The following KIF25 variants were observed in gnomAD, a reference collection of about 807,000 sequenced individuals.
KIF25 encodes the protein kinesin-like protein KIF25.
Under a neutral mutation model 32.9 loss-of-function variants are expected in KIF25, and 19 were observed. The ratio of observed to expected loss-of-function variants is 0.58; its 90% CI spans 0.40 to 0.85. KIF25 has a LOEUF of 0.85. Among genes scored for constraint, KIF25 ranks in the 40% least tolerant of loss-of-function variants. KIF25 has a pLI of 0.00. For missense variants in KIF25, 485 were observed against 507.0 expected (o/e 0.96, Z 0.42); for synonymous variants, 225 against 213.7 (o/e 1.05, Z -0.46).
chr6:168,015,324 T>C (rs1363661357), intron 4 of KIF25, among the ~76,000 whole-genome samples: 1 of 152,230 alleles, frequency 6.6e-6, no homozygotes, highest in East Asian at 1.9e-4. Context: ...GTGAATTCAA[T>C]GTACTTTTAG....
chr6:168,035,826 G>T (rs992328407), intron 8 of KIF25: 5 of 455,566 alleles, frequency 1.1e-5, no homozygotes, highest in Non-Finnish European at 2.2e-5. Context: ...GGGCAAGGCC[G>T]TACTCTCCCT....
At chr6:168,017,064 G>A (rs1032123321) in intron 4 of KIF25, among the ~76,000 whole-genome samples, 5 of 152,226 alleles carry the variant, frequency 3.3e-5, no homozygotes, top group African/African-American at 9.6e-5. Context: ...GCAATAGTCC[G>A]GCAGCTGCCC....
intron 12 of KIF25, among the ~76,000 whole-genome samples, 194 bp from the exon 13 acceptor site, chr6:168,044,633 G>A (rs985658942): frequency 1.3e-5 from 2 of 152,042 alleles, no homozygotes; most frequent in African/African-American, 4.8e-5. Flanking sequence ...GGACCCGGGT[G>A]AGGGGCGCTA....
intron 4 of KIF25, among the ~76,000 whole-genome samples, chr6:168,010,652 A>C (rs962460880): frequency 2.6e-5 from 4 of 152,144 alleles, no homozygotes; most frequent in African/African-American, 9.6e-5. Flanking sequence ...TTTATGGTGC[A>C]GTTTAAATCC....
Position 168,041,974 on chromosome 6 carries a change from C to G in KIF25, c.652C>G (p.Gln218Glu), listed in dbSNP as rs1799125975. The G allele has an allele frequency of 1.3e-6, 2 of 1,551,396 alleles. No individual in the cohort carries two copies. Among genetic ancestry groups the G allele is most frequent in the Non-Finnish European group, 1.7e-6 (2 of 1,147,102 alleles). Reference protein sequence around the residue: ...TASCSDSTADQACSATLPREQ... With the variant: ...TASCSDSTADEACSATLPREQ... The stretch of plus-strand genomic sequence containing the variant: ...CGCTCCTTGGTCCCTTGCAGCAGAC[C>G]AAGCCTGCAGTGCCACCCTCCCCAG... The change falls in exon 11 of 13, where the codon CAA becomes GAA. Residue 218 changes from glutamine (Q) to glutamate (E), a missense_variant. Gln to Glu is a conservative substitution (Grantham distance 29). Transcript: ENST00000643607.
At chr6:168,033,057 C>T (rs955710752) in intron 7 of KIF25, among the ~76,000 whole-genome samples, 1 of 152,182 alleles carries the variant, frequency 6.6e-6, no homozygotes, top group Non-Finnish European at 1.5e-5. Flanking sequence ...TAGTTAACTT[C>T]TCTGAAATAA....
intron 5 of KIF25, among the ~76,000 whole-genome samples, chr6:168,019,189 G>A (rs1040649073): frequency 2.6e-5 from 4 of 152,118 alleles, no homozygotes; most frequent in African/African-American, 9.7e-5. Context: ...GGGATTGGAG[G>A]GTCAAAACAT....
chr6:168,004,732 C>T (rs1017635435), intron 4 of KIF25, among the ~76,000 whole-genome samples: 1 of 151,832 alleles, frequency 6.6e-6, no homozygotes, highest in Non-Finnish European at 1.5e-5. Flanking sequence ...GTGGACGCTG[C>T]TCAGGGGTTG....
chr6:168,018,942 C>A (rs1218381472), intron 5 of KIF25, among the ~76,000 whole-genome samples: 4 of 152,254 alleles, frequency 2.6e-5, no homozygotes, highest in African/African-American at 9.6e-5. Flanking sequence ...CAGGAAAGAA[C>A]CACCGGGGAG....
At position 168,042,635 on chromosome 6, in the gene KIF25, G is replaced by T. The variant is rs146787013; in HGVS notation, c.904G>T (p.Val302Phe). Residue 302 changes from valine (V) to phenylalanine (F), a missense_variant, in exon 12 of 13, where the codon GTC (valine) becomes TTC (phenylalanine). Transcript: ENST00000643607. ...CCGCAGCCTTGCGGCCCTGGCAGGCGTCCTGGGGGCTTTGTTGGAGCACCG... is the reference window on the plus strand; with the variant it reads ...CCGCAGCCTTGCGGCCCTGGCAGGCTTCCTGGGGGCTTTGTTGGAGCACCG... ...ISRSLAALAG[V>F]LGALLEHRGH... 7 of 1,613,848 alleles carry T rather than the reference G, an allele frequency of 4.3e-6. No homozygotes were observed. The highest frequency in any genetic ancestry group is 3.3e-5 in the Admixed American group (2 of 60,020).
At chr6:168,032,645 G>A (rs1011143410) in intron 7 of KIF25, among the ~76,000 whole-genome samples, 1 of 152,124 alleles carries the variant, frequency 6.6e-6, no homozygotes, top group East Asian at 1.9e-4. Flanking sequence ...CTTTTCTAGG[G>A]GAGACTTAGA....
At position 167,998,281 on chromosome 6, in the gene KIF25, C is replaced by G. The variant is rs189235363; in HGVS notation, c.-1188C>G. ...CTGAGTGTTCCACCTCAAGCCTGGT[C>G]TCCTGGTCTAGCTGAGGAGCGTGCA... On this transcript the variant is annotated 5_prime_UTR_variant, in exon 1 of 13. Transcript: ENST00000643607. 6.6e-6 allele frequency: 1 copy of G among 152,248 alleles called. No individual in the cohort carries two copies. The highest frequency in any genetic ancestry group is 1.9e-4 in the East Asian group (1 of 5,178). 9.4% of individuals were successfully genotyped at this position (152,248 alleles called of 1,614,324 possible). A position where few individuals can be genotyped will look rare whatever the true frequency, so the allele number is the denominator to read the frequency against.
chr6:168,029,133 G>GT (rs1798904689), intron 5 of KIF25, among the ~76,000 whole-genome samples: 1 of 152,180 alleles, frequency 6.6e-6, no homozygotes, highest in Non-Finnish European at 1.5e-5. Flanking sequence ...AGTATTGCAG[G>GT]TAAAGAGTAT....
At chr6:168,021,854 C>T (rs75670023) in intron 5 of KIF25, among the ~76,000 whole-genome samples, 2,027 of 152,302 alleles carry the variant, frequency 0.013, 51 homozygotes, top group African/African-American at 0.046. Context: ...CCTTTGCGGT[C>T]GTTCAGGATC....
At chr6:168,035,412 G>C (rs55990814) in intron 8 of KIF25, among the ~76,000 whole-genome samples, 1 of 58,378 alleles carries the variant, frequency 1.7e-5, no homozygotes, top group Non-Finnish European at 4.0e-5. Flanking sequence ...GGGCGGCAAA[G>C]GGATGCCGGG....
chr6:168,030,807 T>G lies in KIF25; in HGVS notation c.127T>G (p.Phe43Val). 6.2e-7 allele frequency: 1 copy of G among 1,613,560 alleles called. No individual in the cohort carries two copies. The highest frequency in any genetic ancestry group is 8.5e-7 in the Non-Finnish European group (1 of 1,179,822). Reference sequence around the variant, plus strand: ...TCCAGCAGAGTCTCAGAGCGCGGTCTTTGGAGATGTGTGCCCCCTACTCAC... The same window carrying G: ...TCCAGCAGAGTCTCAGAGCGCGGTCGTTGGAGATGTGTGCCCCCTACTCAC... ...YGPAESQSAV[F>V]GDVCPLLTSL... Residue 43 changes from phenylalanine to valine, a missense_variant, in exon 7 of 13, where the codon TTT becomes GTT. Coordinates refer to ENST00000643607, the MANE Select transcript of KIF25 (RefSeq NM_030615.4).
chr6:168,034,924 G>T (rs1301967224), intron 8 of KIF25, among the ~76,000 whole-genome samples: 1 of 152,208 alleles, frequency 6.6e-6, no homozygotes, highest in African/African-American at 2.4e-5. Context: ...ACTTTGGGAG[G>T]TCGAGGCGGG....
chr6:168,025,382 T>C (rs1205668598), intron 5 of KIF25, among the ~76,000 whole-genome samples: 1 of 152,154 alleles, frequency 6.6e-6, no homozygotes, highest in African/African-American at 2.4e-5. Context: ...GCTTCTACTA[T>C]CGTCTTCCCA....
intron 10 of KIF25, 91 bp from the exon 11 acceptor site, chr6:168,041,878 T>A: frequency 7.5e-7 from 1 of 1,326,992 alleles, no homozygotes; most frequent in Non-Finnish European, 1.0e-6. Flanking sequence ...AGGGTGCAGT[T>A]CAGAAGCTTC....
Sources: allele counts gnomAD v4.1 joint callset (sites outside exome capture counted in the v4.1 genomes callset), GRCh38; gene constraint gnomAD v4.1.1; transcripts MANE v1.5; gene names NCBI Gene and HGNC (gene_info 2026-07-23, HGNC 2026-07-21).